Variants in RMDN2 observed in about 807,000 individuals in gnomAD.
RMDN2 encodes the protein regulator of microtubule dynamics 2.
A neutral mutation model predicts 52.8 loss-of-function variants in RMDN2; 61 were observed. That is an observed-to-expected ratio of 1.16 (90% confidence interval 0.94 to 1.43). RMDN2 has a LOEUF of 1.43. Ranked by LOEUF, RMDN2 falls within the 40% of genes most tolerant of loss-of-function variation. The probability of loss-of-function intolerance (pLI) is 0.00; values close to 1 mark genes in which losing one functional copy is unlikely to be tolerated. For synonymous variants in RMDN2, 180 were observed against 153.1 expected (o/e 1.18, Z -1.30); for missense variants, 592 against 475.3 (o/e 1.25, Z -2.28).
At chr2:37,996,863 C>T (rs1675622428) in intron 7 of RMDN2, among the ~76,000 whole-genome samples, 1 of 152,050 alleles carries the variant, frequency 6.6e-6, no homozygotes, top group Non-Finnish European at 1.5e-5. Context: ...AAAAAATCTT[C>T]GGGATTGTAA....
chr2:38,026,680 G>A (rs780744151), intron 10 of RMDN2, among the ~76,000 whole-genome samples: 2 of 152,006 alleles, frequency 1.3e-5, no homozygotes, highest in Non-Finnish European at 1.5e-5. Context: ...GTATACACGT[G>A]CCATGATTGT....
intron 10 of RMDN2, among the ~76,000 whole-genome samples, chr2:38,044,491 TG>T (rs1442314396): frequency 7.2e-5 from 11 of 152,072 alleles, no homozygotes; most frequent in Non-Finnish European, 2.9e-5. Flanking sequence ...CTTTTCCTTT[TG>T]TTATTCCCAT....
intron 2 of RMDN2, among the ~76,000 whole-genome samples, chr2:37,969,528 C>A (rs936202821): frequency 6.6e-6 from 1 of 151,516 alleles, no homozygotes; most frequent in Non-Finnish European, 1.5e-5. Flanking sequence ...AGTATAAGAA[C>A]AAAATTGATT....
intron 2 of RMDN2, among the ~76,000 whole-genome samples, chr2:37,940,197 T>A (rs914564948): frequency 6.6e-6 from 1 of 152,244 alleles, no homozygotes; most frequent in Non-Finnish European, 1.5e-5. Context: ...TTTAAGAATG[T>A]TAAATATTTA....
intron 2 of RMDN2, chr2:37,952,227 A>C: frequency 6.2e-7 from 1 of 1,608,820 alleles, no homozygotes; most frequent in Non-Finnish European, 8.5e-7. Context: ...ACCCTCTCTT[A>C]GAAGGGCACC....
chr2:38,021,973 T>A (rs1471881064), downstream of RMDN2, among the ~76,000 whole-genome samples: 1 of 152,206 alleles, frequency 6.6e-6, no homozygotes, highest in South Asian at 2.1e-4. Context: ...TAATCCTCTG[T>A]CCAATCCAGT....
rs1263749200 is a variant in RMDN2 at position 37,982,914 on chromosome 2, A to ACT, written c.791+1580_791+1581dup. ...AATGAATTTGTGGTGATCAAGCCCT[A>ACT]CTCTCTCTCTTCATCGCGTTTGATA... On this transcript the variant is annotated intron_variant, in intron 5 of 10. Transcript: ENST00000354545. 4.6e-5 allele frequency among the ~76,000 whole-genome samples: 7 copies of ACT among 151,980 alleles called. No individual in the cohort carries two copies. The East Asian group carries it at 1.2e-3, about 25-fold the overall frequency.
chr2:37,943,986 T>C (rs1342823935), intron 2 of RMDN2, among the ~76,000 whole-genome samples: 1 of 152,198 alleles, frequency 6.6e-6, no homozygotes, highest in Non-Finnish European at 1.5e-5. Flanking sequence ...TCTGCATATT[T>C]TGTGTAACTT....
At chr2:37,998,242 C>T (rs1400524417) in intron 8 of RMDN2, 2 of 152,176 alleles carry the variant, frequency 1.3e-5, no homozygotes, top group African/African-American at 4.8e-5. Context: ...AAAATACAGA[C>T]AAGGCTGCAT....
At chr2:38,009,952 C>G (rs1677708048) in intron 10 of RMDN2, among the ~76,000 whole-genome samples, 1 of 152,140 alleles carries the variant, frequency 6.6e-6, no homozygotes, top group African/African-American at 2.4e-5. Flanking sequence ...AGCTGCAGGT[C>G]TGTTGGAGTT....
At chr2:37,945,117 A>T (rs543146890) in intron 2 of RMDN2, among the ~76,000 whole-genome samples, 94 of 152,322 alleles carry the variant, frequency 6.2e-4, no homozygotes, top group African/African-American at 2.1e-3. Flanking sequence ...ATAAAGTAGC[A>T]TTGCTGCCCC....
chr2:38,061,503 C>G (rs1682048900), intron 10 of RMDN2, among the ~76,000 whole-genome samples: 1 of 151,612 alleles, frequency 6.6e-6, no homozygotes, highest in South Asian at 2.1e-4. Context: ...TCTGGTAACT[C>G]AGTGCCTGTA....
At chr2:37,994,444 C>G (rs1283107238) in intron 7 of RMDN2, among the ~76,000 whole-genome samples, 1 of 152,116 alleles carries the variant, frequency 6.6e-6, no homozygotes, top group South Asian at 2.1e-4. Flanking sequence ...CTAATTACAG[C>G]ATGTTGTCCA....
chr2:38,039,954 C>T (rs1476409903), intron 10 of RMDN2, among the ~76,000 whole-genome samples: 1 of 151,962 alleles, frequency 6.6e-6, no homozygotes, highest in Non-Finnish European at 1.5e-5. Flanking sequence ...CTGTTTTCTT[C>T]TAGAAGTTGT....
intron 10 of RMDN2, among the ~76,000 whole-genome samples, chr2:38,010,400 C>A (rs111496036): frequency 1.3e-5 from 2 of 152,168 alleles, no homozygotes; most frequent in African/African-American, 4.8e-5. Flanking sequence ...CTACTCAAGC[C>A]TCGGCAATGG....
chr2:38,061,384 G>A (rs1682041087), intron 10 of RMDN2, among the ~76,000 whole-genome samples: 1 of 152,324 alleles, frequency 6.6e-6, no homozygotes, highest in African/African-American at 2.4e-5. Flanking sequence ...AATGTCATCT[G>A]CTGTGGAGTG....
At chr2:38,042,360 G>C (rs1185130766) in intron 10 of RMDN2, among the ~76,000 whole-genome samples, 2 of 150,892 alleles carry the variant, frequency 1.3e-5, no homozygotes, top group African/African-American at 2.4e-5. Flanking sequence ...AACCTGGCCA[G>C]AGATTTATCA....
chr2:38,018,512 A>G (rs1258338937), downstream of RMDN2, among the ~76,000 whole-genome samples: 1 of 152,236 alleles, frequency 6.6e-6, no homozygotes, highest in Non-Finnish European at 1.5e-5. Context: ...CCACACTGAA[A>G]TATAACTACA....
intron 2 of RMDN2, among the ~76,000 whole-genome samples, chr2:37,960,366 C>CT (rs1192992248): frequency 6.6e-6 from 1 of 152,042 alleles, no homozygotes; most frequent in African/African-American, 2.4e-5. Flanking sequence ...ATAGTTAGCT[C>CT]TTCTTGTTGC....
Sources: gnomAD v4.1 joint callset for allele counts (sites outside exome capture counted in the v4.1 genomes callset) on GRCh38, gnomAD v4.1.1 for gene constraint, MANE v1.5 for transcripts, NCBI Gene and HGNC (gene_info 2026-07-23, HGNC 2026-07-21) for gene names.